The following NDST4 variants were observed in gnomAD, a reference collection of about 807,000 sequenced individuals.
NDST4 encodes the protein N-deacetylase and N-sulfotransferase 4, also known as N-heparan sulfate sulfotransferase 4.
In NDST4, 63 loss-of-function variants were observed where a neutral mutation model predicts 100.8. The ratio of observed to expected loss-of-function variants is 0.62; its 90% confidence interval spans 0.51 to 0.77. NDST4 has a LOEUF of 0.77. NDST4 is among the 30% of genes least tolerant of loss of function. The pLI, the probability that NDST4 is intolerant of heterozygous loss-of-function variation, is 0.00. For synonymous variants in NDST4, 377 were observed against 361.8 expected (o/e 1.04, Z -0.48); for missense variants, 943 against 1,018.4 (o/e 0.93, Z 1.01).
intron 2 of NDST4, 112 bp from the exon 3 acceptor site, chr4:114,977,386 G>T: frequency 3.2e-6 from 2 of 616,504 alleles, no homozygotes; most frequent in South Asian, 2.1e-5. Context: ...GAGCTTTCTT[G>T]TTTTTGATGG....
At position 114,986,822 on chromosome 4, in the gene NDST4, A is replaced by T. The variant is rs1256613143; in HGVS notation, c.979-9548T>A. ...TATATATATATATATATATATATAT[A>T]TATATATATATTTTAATATACTATT... is the stretch of plus-strand genomic sequence containing the variant. On this transcript the variant is annotated intron_variant, in intron 2 of 13. Transcript: ENST00000264363. Among the ~76,000 whole-genome samples the T allele has an allele frequency of 2.6e-4, 19 of 72,528 alleles. 1 individual carries two copies. Among genetic ancestry groups the T allele is most frequent in the African/African-American group, 7.9e-4 (18 of 22,732 alleles). 47.6% of individuals were successfully genotyped at this position (72,528 alleles called of 152,430 possible).
chr4:114,970,897 C>G (rs1726499570), intron 3 of NDST4, among the ~76,000 whole-genome samples: 1 of 151,734 alleles, frequency 6.6e-6, no homozygotes, highest in African/African-American at 2.4e-5. Context: ...TATTTTTTAC[C>G]CTTAAATGTT....
intron 6 of NDST4, among the ~76,000 whole-genome samples, chr4:114,929,113 C>CTATCTATCTATCT (rs1560817117): frequency 2.3e-4 from 27 of 117,486 alleles, no homozygotes; most frequent in Non-Finnish European, 3.5e-4. Flanking sequence ...TCCATCCATC[C>CTATCTATCTATCT]ATCTATCTAT....
Position 114,827,890 on chromosome 4 carries a change from G to C in NDST4, c.2545C>G (p.Leu849Val). Residue 849 changes from leucine to valine, a missense_variant, in exon 14 of 14, where the codon CTA becomes GTA. Transcript: ENST00000264363. ...SNYYRDHNVE[L>V]SKLLHRLGQP... is the part of the protein sequence containing the mutation. ...CCCAGTCTGTGTAGCAGTTTGGATA[G>C]TTCCACATTATGATCTCGGTAGTAA... The C allele has an allele frequency of 6.2e-7, 1 of 1,611,474 alleles. No homozygotes were observed. Among genetic ancestry groups the C allele is most frequent in the Non-Finnish European group, 8.5e-7 (1 of 1,178,898 alleles).
chr4:114,875,270 C>T (rs1724233041), intron 6 of NDST4, among the ~76,000 whole-genome samples: 1 of 152,138 alleles, frequency 6.6e-6, no homozygotes, highest in South Asian at 2.1e-4. Flanking sequence ...AGGCTCTCAA[C>T]TTCATTATAA....
intron 7 of NDST4, among the ~76,000 whole-genome samples, chr4:114,855,262 G>C (rs1267344189): frequency 1.3e-5 from 2 of 151,894 alleles, no homozygotes; most frequent in Non-Finnish European, 2.9e-5. Flanking sequence ...TTCCTTTGCT[G>C]TGCAGCCTTT....
chr4:114,924,555 C>G (rs1393512663), intron 6 of NDST4, among the ~76,000 whole-genome samples: 1 of 152,054 alleles, frequency 6.6e-6, no homozygotes, highest in East Asian at 1.9e-4. Flanking sequence ...CAGTTGGTGG[C>G]TGTTCTCCTC....
chr4:114,912,744 T>G (rs1394413742), intron 6 of NDST4, among the ~76,000 whole-genome samples: 4 of 152,136 alleles, frequency 2.6e-5, no homozygotes, highest in African/African-American at 9.7e-5. Context: ...GAATCCATTT[T>G]GGGGGCAAGA....
intron 7 of NDST4, among the ~76,000 whole-genome samples, chr4:114,868,653 GC>G (rs1256710415): frequency 2.6e-5 from 4 of 151,592 alleles, no homozygotes; most frequent in African/African-American, 2.4e-5. Flanking sequence ...AAAAATGTTT[GC>G]AACTTTAAAA....
intron 6 of NDST4, among the ~76,000 whole-genome samples, chr4:114,873,612 C>T (rs901301872): frequency 6.6e-6 from 1 of 151,964 alleles, no homozygotes; most frequent in Non-Finnish European, 1.5e-5. Flanking sequence ...GACTTAGTTA[C>T]AGAGTTTCTG....
chr4:114,969,959 C>T (rs1726473210), intron 4 of NDST4, among the ~76,000 whole-genome samples: 1 of 152,162 alleles, frequency 6.6e-6, no homozygotes, highest in South Asian at 2.1e-4. Flanking sequence ...TTTTCCTCTG[C>T]AACCTTGCCA....
rs377448781 is a variant in NDST4, at chr4:114,881,166, G to A, written c.1537-10216C>T. Among the ~76,000 whole-genome samples, 20 of 152,150 alleles carry A rather than the reference G, an allele frequency of 1.3e-4. No individual in the cohort carries two copies. In the East Asian group the frequency reaches 3.1e-3, roughly 24 times the overall value. On this transcript the variant is annotated intron_variant, in intron 6 of 13. Coordinates refer to ENST00000264363, the MANE Select transcript of NDST4 (RefSeq NM_022569.3). ...CAGATATGCATTTTACAAATTCTTAGATCCTGAGTGTCTTATGAAGAAGAG... is the reference window on the plus strand; with the variant it reads ...CAGATATGCATTTTACAAATTCTTAAATCCTGAGTGTCTTATGAAGAAGAG...
intron 1 of NDST4, among the ~76,000 whole-genome samples, chr4:115,084,161 G>C (rs1475522282): frequency 6.6e-6 from 1 of 152,300 alleles, no homozygotes; most frequent in East Asian, 1.9e-4. Flanking sequence ...CTCAGATGTT[G>C]ATGAGGAACT....
At chr4:114,991,075 C>T (rs1011819438) in intron 2 of NDST4, among the ~76,000 whole-genome samples, 2 of 151,236 alleles carry the variant, frequency 1.3e-5, no homozygotes, top group Non-Finnish European at 2.9e-5. Context: ...AAGAGGTTAT[C>T]AAACCCTGGG....
At chr4:115,071,329 G>A (rs1254004369) in intron 2 of NDST4, among the ~76,000 whole-genome samples, 3 of 150,692 alleles carry the variant, frequency 2.0e-5, no homozygotes, top group African/African-American at 7.3e-5. Context: ...CATTGATAGA[G>A]GGAGGTGGTA....
At chr4:115,030,440 C>G (rs1168753076) in intron 2 of NDST4, among the ~76,000 whole-genome samples, 5 of 152,072 alleles carry the variant, frequency 3.3e-5, no homozygotes. Flanking sequence ...GAACTTAATT[C>G]TCACCCACAC....
At chr4:115,025,952 T>TCAACTAATA (rs1413674277) in intron 2 of NDST4, among the ~76,000 whole-genome samples, 3 of 152,132 alleles carry the variant, frequency 2.0e-5, no homozygotes, top group African/African-American at 7.2e-5. Context: ...GTTGGGTTCA[T>TCAACTAATA]CAACTAATAC....
At chr4:114,837,500 C>T (rs1723329826) in intron 11 of NDST4, among the ~76,000 whole-genome samples, 1 of 152,114 alleles carries the variant, frequency 6.6e-6, no homozygotes, top group Admixed American at 6.6e-5. Flanking sequence ...TGAAACACAA[C>T]AGAGGCCTCA....
chr4:114,831,795 T>C (rs1415130918), intron 12 of NDST4, among the ~76,000 whole-genome samples: 1 of 152,228 alleles, frequency 6.6e-6, no homozygotes, highest in African/African-American at 2.4e-5. Flanking sequence ...GGCAACTTCA[T>C]ATGCCTTAAG....
Sources: gnomAD v4.1 joint callset for allele counts (sites outside exome capture counted in the v4.1 genomes callset) on GRCh38, gnomAD v4.1.1 for gene constraint, MANE v1.5 for transcripts, NCBI Gene and HGNC (gene_info 2026-07-23, HGNC 2026-07-21) for gene names.